VPS13C: variants seen among roughly 807,000 people sequenced by gnomAD.
The protein encoded by VPS13C is intermembrane lipid transfer protein VPS13C.
In VPS13C, 358 loss-of-function variants were observed where a neutral mutation model predicts 456.8. The ratio of observed to expected loss-of-function variants is 0.78; its 90% CI spans 0.72 to 0.86. The LOEUF (loss-of-function observed/expected upper bound fraction) is 0.86, where lower values mean the gene tolerates loss of function less well. Among genes scored for constraint, VPS13C ranks in the 40% least tolerant of loss-of-function variants. The probability of loss-of-function intolerance (pLI) is 0.00; values close to 1 mark genes in which losing one functional copy is unlikely to be tolerated. For synonymous variants in VPS13C, 1,578 were observed against 1,486.7 expected, an observed-to-expected ratio of 1.06 and a Z score of -1.41; for missense variants, 4,818 against 4,385.4, an observed-to-expected ratio of 1.10 and a Z score of -2.79.
chr15:62,023,607 C>A, intron 7 of VPS13C, 87 bp from the exon 8 acceptor site: 1 of 1,166,106 alleles, frequency 8.6e-7, no homozygotes, highest in Non-Finnish European at 1.2e-6. Flanking sequence ...TAAGGTACTA[C>A]TCAATGGAAA....
chr15:61,979,359 G>A (rs1166289554), intron 22 of VPS13C, among the ~76,000 whole-genome samples: 1 of 152,148 alleles, frequency 6.6e-6, no homozygotes, highest in African/African-American at 2.4e-5. Flanking sequence ...GATCTAGTTT[G>A]AGTCACTAAG....
rs191493207 is a variant in VPS13C at position 61,860,290 on chromosome 15, C to T, written c.10952+3150G>A. Among the ~76,000 whole-genome samples, 13 of 152,036 alleles carry T rather than the reference C, an allele frequency of 8.6e-5. No homozygotes were observed. In the East Asian group the frequency reaches 1.9e-3, roughly 23 times the overall value. On this transcript the variant is annotated intron_variant, in intron 82 of 84. Transcript: ENST00000644861. ...ATTAAAACAAAAAATTATTTTCTAC[C>T]CATCAAGCTAGCAAAAAATAAAAGT...
rs1313127005 is a variant in VPS13C at position 61,913,412 on chromosome 15, G to T, written c.8449C>A (p.Gln2817Lys). Reference protein sequence around the residue: ...KKNIFTKNKVQLKISTSAWSS... With the variant: ...KKNIFTKNKVKLKISTSAWSS... ...CAGGCACTGGTTGAAATTTTTAATT[G>T]TACCTATACCAGAGAGCACATATCG... Residue 2817 changes from glutamine to lysine, a missense_variant, in exon 62 of 85, where the codon CAA becomes AAA. Gln to Lys is a moderately conservative substitution (Grantham distance 53, BLOSUM62 1). Coordinates refer to ENST00000644861, the MANE Select transcript of VPS13C (RefSeq NM_020821.3). 1.9e-6 allele frequency: 3 copies of T among 1,612,702 alleles called. No individual in the cohort carries two copies. Among genetic ancestry groups the T allele is most frequent in the Non-Finnish European group, 2.5e-6 (3 of 1,178,910 alleles).
At chr15:61,960,986 C>T (rs2045178331) in intron 35 of VPS13C, among the ~76,000 whole-genome samples, 1 of 151,742 alleles carries the variant, frequency 6.6e-6, no homozygotes, top group Non-Finnish European at 1.5e-5. Context: ...GAGGCTGAGG[C>T]AGGAGAATCA....
intron 1 of VPS13C, among the ~76,000 whole-genome samples, chr15:62,052,268 A>G (rs1193837075): frequency 6.6e-6 from 1 of 152,246 alleles, no homozygotes; most frequent in Admixed American, 6.5e-5. Context: ...AGTTGAAAGC[A>G]TATCTGAATG....
Position 61,967,358 on chromosome 15 carries a change from T to C in VPS13C, c.2991+10A>G, listed in dbSNP as rs367717169. ...AAACAATAAATATATAATCATTCTA[T>C]AGCCCTTACCTTAATATACTCCACT... is the stretch of plus-strand genomic sequence containing the variant. On this transcript the variant is annotated intron_variant, in intron 29 of 84. Transcript: ENST00000644861. 8.1e-6 allele frequency: 13 copies of C among 1,596,334 alleles called. No individual in the cohort carries two copies. Among genetic ancestry groups the C allele is most frequent in the South Asian group, 5.6e-5 (5 of 88,996 alleles).
chr15:61,944,933 C>T (rs116279484), intron 45 of VPS13C, among the ~76,000 whole-genome samples: 2 of 152,264 alleles, frequency 1.3e-5, no homozygotes, highest in South Asian at 2.1e-4. Flanking sequence ...TCTGGCTCTG[C>T]GTCCCCACCC....
At position 61,983,838 on chromosome 15, in the gene VPS13C, C is replaced by T. The variant is rs1045325190; in HGVS notation, c.1896G>A (p.Val632=). The stretch of plus-strand genomic sequence containing the variant: ...CACTTACAGCATCATAGATGACCTC[C>T]ACAGGCTGGGACTGAACAATCAGAG... ...DQTLIVQSQP[V]EVIYDAKTVN... is the part of the protein sequence containing the mutation. Residue 632 remains valine (V), a synonymous_variant, in exon 20 of 85, where the codon GTG becomes GTA. Coordinates refer to ENST00000644861, the MANE Select transcript of VPS13C (RefSeq NM_020821.3). The T allele has an allele frequency of 2.5e-6, 4 of 1,613,812 alleles. No homozygotes were observed. Among genetic ancestry groups the T allele is most frequent in the Non-Finnish European group, 3.4e-6 (4 of 1,179,922 alleles).
At chr15:61,865,564 G>A (rs1894486577) in intron 81 of VPS13C, 7 of 821,984 alleles carry the variant, frequency 8.5e-6, no homozygotes, top group Admixed American at 6.3e-5. Context: ...ATATGTGTAT[G>A]TTTGCGTATA....
At position 61,994,330 on chromosome 15, in the gene VPS13C, G is replaced by A. The variant is rs1458071053; in HGVS notation, c.1354-2528C>T. On this transcript the variant is annotated intron_variant, in intron 16 of 84. Transcript: ENST00000644861. ...AGCTAAAGCAACTTAAGTCATGGAG[G>A]ATTGAAATTGTTATCCTCCGGTGAT... Among the ~76,000 whole-genome samples the A allele has an allele frequency of 2.6e-5, 4 of 152,166 alleles. No homozygotes were observed. The East Asian group carries it at 7.7e-4, about 29-fold the overall frequency.
At chr15:61,956,957 T>C (rs984167000) in intron 37 of VPS13C, among the ~76,000 whole-genome samples, 11 of 151,932 alleles carry the variant, frequency 7.2e-5, no homozygotes, top group African/African-American at 2.2e-4. Context: ...CTCCTACCTA[T>C]GTATCCAAAA....
intron 66 of VPS13C, among the ~76,000 whole-genome samples, chr15:61,897,709 C>G (rs2042871195): frequency 6.6e-6 from 1 of 152,054 alleles, no homozygotes; most frequent in South Asian, 2.1e-4. Context: ...CTTCCCCAAT[C>G]TAGTAAGACA....
chr15:61,876,887 C>A, intron 75 of VPS13C, 86 bp downstream of exon 75: 10 of 919,054 alleles, frequency 1.1e-5, no homozygotes, highest in Non-Finnish European at 1.4e-5. Context: ...ATTAGATAAA[C>A]ATTACTGCAC....
chr15:62,033,005 C>T (rs377224797), intron 5 of VPS13C, among the ~76,000 whole-genome samples: 2 of 151,266 alleles, frequency 1.3e-5, no homozygotes, highest in African/African-American at 2.4e-5. Flanking sequence ...CTGTACAACA[C>T]GAAGGGAGAT....
At chr15:61,876,362 T>G (rs530885356) in intron 75 of VPS13C, among the ~76,000 whole-genome samples, 103 of 151,950 alleles carry the variant, frequency 6.8e-4, no homozygotes, top group Non-Finnish European at 1.1e-3. Context: ...TAATTGTTAG[T>G]TTTTTTTAGT....
chr15:62,001,398 C>A (rs2046608896), intron 15 of VPS13C, among the ~76,000 whole-genome samples: 2 of 152,170 alleles, frequency 1.3e-5, no homozygotes, highest in South Asian at 4.1e-4. Context: ...TCATTTTTCA[C>A]ATTATGAATC....
In VPS13C at chr15:61,958,124, G is replaced by T. The variant is rs140688982; in HGVS notation, c.4165+484C>A. On this transcript the variant is annotated intron_variant, in intron 37 of 84. Transcript: ENST00000644861. ...AGAACTTTTTCTTTAAGTCAAAAGG[G>T]CCATGGTAACTAATAATTTAAATTC... 9.2e-5 allele frequency among the ~76,000 whole-genome samples: 14 copies of T among 151,804 alleles called. No individual in the cohort carries two copies. The East Asian group carries it at 2.7e-3, about 29-fold the overall frequency.
At chr15:61,917,302 G>A (rs1275520371) in intron 60 of VPS13C, 39 bp downstream of exon 60, 2 of 1,591,302 alleles carry the variant, frequency 1.3e-6, no homozygotes, top group Admixed American at 1.7e-5. Flanking sequence ...AATTTACTCT[G>A]TGCAACAACA....
rs553932597 is a variant in VPS13C, at chr15:61,940,533, T to C, written c.5601+114A>G. 4.8e-6 allele frequency: 5 copies of C among 1,052,026 alleles called. No individual in the cohort carries two copies. The South Asian group carries it at 1.4e-4, about 29-fold the overall frequency. The allele number at this position is 1,052,026 out of a possible 1,614,324, so 65.2% of individuals were successfully genotyped here. ...AATGCTCACTAAGAGAAAACTGGTT[T>C]AGCTTTATCAATAACGTAGCAACTC... On this transcript the variant is annotated intron_variant, in intron 47 of 84. Coordinates refer to ENST00000644861, the MANE Select transcript of VPS13C (RefSeq NM_020821.3).
Sources: gnomAD v4.1 joint callset for allele counts (sites outside exome capture counted in the v4.1 genomes callset) on GRCh38, gnomAD v4.1.1 for gene constraint, MANE v1.5 for transcripts, NCBI Gene and HGNC (gene_info 2026-07-23, HGNC 2026-07-21) for gene names.